The following SLX4 variants were observed in gnomAD, a reference collection of about 807,000 sequenced individuals.
SLX4 encodes the protein structure-specific endonuclease subunit SLX4.
In SLX4, 112 loss-of-function variants were observed where a neutral mutation model predicts 146.2. That is an observed-to-expected ratio of 0.77 (90% CI 0.66 to 0.90). The LOEUF (loss-of-function observed/expected upper bound fraction) is 0.90. Among genes scored for constraint, SLX4 ranks in the 40% least tolerant of loss-of-function variants. The pLI is 0.00. For missense variants in SLX4, 2,563 were observed against 2,392.7 expected (o/e 1.07, Z -1.49); for synonymous variants, 1,061 against 997.7 (o/e 1.06, Z -1.20).
chr16:3,588,866 G>A (rs2040538328), intron 12 of SLX4, 136 bp downstream of exon 12: 1 of 1,073,634 alleles, frequency 9.3e-7, no homozygotes, highest in Non-Finnish European at 1.4e-6. Context: ...GAGTCTGGAA[G>A]GCAGCGGAAG....
Position 3,583,293 on chromosome 16 carries a change from C to T in SLX4, c.4957G>A (p.Ala1653Thr), listed in dbSNP as rs2040464123. The T allele has an allele frequency of 6.2e-7, 1 of 1,614,034 alleles. No homozygotes were observed. Among genetic ancestry groups the T allele is most frequent in the Admixed American group, 1.7e-5 (1 of 60,008 alleles). The change falls in exon 14 of 15, where the codon GCC becomes ACC. Residue 1653 changes from alanine (A) to threonine (T), a missense_variant. Transcript: ENST00000294008. ...TTAGCAGGTCCCTTGGGCCTATGGG[C>T]CCCAGGTCCTGTGGTGGCCTCCTGC... is the stretch of plus-strand genomic sequence containing the variant. ...AQQEATTGPG[A>T]HRPKGPAKTK... is the part of the protein sequence containing the mutation.
At chr16:3,594,311 G>A in intron 10 of SLX4, 142 bp downstream of exon 10, 2 of 1,195,354 alleles carry the variant, frequency 1.7e-6, no homozygotes, top group Non-Finnish European at 1.2e-6. Flanking sequence ...GAGGGAGAAG[G>A]TGAGAACATG....
Position 3,590,101 on chromosome 16 carries a change from C to T in SLX4, c.3537G>A (p.Lys1179=), listed in dbSNP as rs2151123408. Residue 1179 remains lysine, a synonymous_variant, in exon 12 of 15, where the codon AAG becomes AAA. Transcript: ENST00000294008. The surrounding 1 kb of genome is among the most constrained non-coding windows in gnomAD (Gnocchi z 4.8). ...ACCTAGGGCTAATTTCTAGAGCTTT[C>T]TTTTCTTCCAGAGGATCACTAGAAA... ...KSISSDPLEE[K]KALEISPRSC... is the part of the protein sequence containing the mutation. 6.2e-7 allele frequency: 1 copy of T among 1,614,172 alleles called. No individual in the cohort carries two copies. The highest frequency in any genetic ancestry group is 8.5e-7 in the Non-Finnish European group (1 of 1,180,038).
intron 12 of SLX4, among the ~76,000 whole-genome samples, chr16:3,585,096 C>T (rs536610959): frequency 3.3e-5 from 5 of 152,228 alleles, no homozygotes; most frequent in African/African-American, 9.6e-5. Flanking sequence ...AACACGGGTG[C>T]CGGGTGAACA....
rs1933463994 is a variant in SLX4, at chr16:3,592,528, A to G, written c.2327+171T>C. Among the ~76,000 whole-genome samples, 4 of 152,196 alleles carry G rather than the reference A, an allele frequency of 2.6e-5. No homozygotes were observed. In the South Asian group the frequency reaches 8.3e-4, roughly 31 times the overall value. On this transcript the variant is annotated intron_variant, in intron 11 of 14. Coordinates refer to ENST00000294008, the MANE Select transcript of SLX4 (RefSeq NM_032444.4). ...TGTTCTGGCCTGACTTTCACCTAAC[A>G]TGCCCTGTTCCACAGGGTCATCACT... is the stretch of plus-strand genomic sequence containing the variant.
Position 3,601,051 on chromosome 16 carries a change from G to C in SLX4, c.1091C>G (p.Pro364Arg). The part of the protein sequence containing the change: ...KQCAVKMEVG[P>R]QLLLQAVRLQ... The stretch of plus-strand genomic sequence containing the variant: ...CCGCACAGCCTGAAGCAGGAGCTGG[G>C]GGCCAACCTCCATCTTCACAGCACA... The change falls in exon 5 of 15, where the codon CCC becomes CGC. Residue 364 changes from proline (P) to arginine (R), a missense_variant. Physicochemically the swap from Pro to Arg is moderately radical, Grantham distance 103. Coordinates refer to ENST00000294008, the MANE Select transcript of SLX4 (RefSeq NM_032444.4). 1 of 1,614,080 alleles carries C rather than the reference G, an allele frequency of 6.2e-7. No homozygotes were observed. Among genetic ancestry groups the C allele is most frequent in the Non-Finnish European group, 8.5e-7 (1 of 1,180,032 alleles).
At position 3,589,866 on chromosome 16, in the gene SLX4, G is replaced by A. The variant is rs755975486; in HGVS notation, c.3772C>T (p.Pro1258Ser). 3 of 1,612,310 alleles carry A rather than the reference G, an allele frequency of 1.9e-6. No individual in the cohort carries two copies. Among genetic ancestry groups the A allele is most frequent in the Non-Finnish European group, 2.5e-6 (3 of 1,179,920 alleles). The change falls in exon 12 of 15, where the codon CCC (proline) becomes TCC (serine). Residue 1258 changes from proline (P) to serine (S), a missense_variant. Physicochemically the swap from Pro to Ser is moderately conservative, Grantham distance 74 (BLOSUM62 -1). Coordinates refer to ENST00000294008, the MANE Select transcript of SLX4 (RefSeq NM_032444.4). The surrounding 1 kb of genome is among the most constrained non-coding windows in gnomAD (Gnocchi z 6.2). The stretch of plus-strand genomic sequence containing the variant: ...CTTCTGCTGGCCAGCGGGGTGGCGG[G>A]CACCAGCCACGAGGTGTCTGTGGTG... ...ASTTDTSWLV[P>S]ATPLASRSRD...
rs2040567520 is a variant in SLX4 at position 3,590,231 on chromosome 16, G to A, written c.3407C>T (p.Ser1136Phe). The stretch of plus-strand genomic sequence containing the variant: ...TTTGGATGAAGATTTCTGAGATCTG[G>A]AGCTCGAATGGTCAGGATTTGACTG... ...LTQSNPDHSS[S>F]RSQKSSSKLN... Residue 1136 changes from serine (S) to phenylalanine (F), a missense_variant, in exon 12 of 15, where the codon TCC (serine) becomes TTC (phenylalanine). Transcript: ENST00000294008. The surrounding 1 kb of genome is among the most constrained non-coding windows in gnomAD (Gnocchi z 4.8). The A allele has an allele frequency of 6.2e-7, 1 of 1,614,184 alleles. No homozygotes were observed. The highest frequency in any genetic ancestry group is 8.5e-7 in the Non-Finnish European group (1 of 1,180,032).
chr16:3,584,107 G>C (rs890998984), intron 13 of SLX4, among the ~76,000 whole-genome samples: 1 of 151,718 alleles, frequency 6.6e-6, no homozygotes, highest in African/African-American at 2.4e-5. Flanking sequence ...GTGGATGTGA[G>C]AGTTAAATGT....
In SLX4 at chr16:3,590,885, G is replaced by A. The variant is rs781323142; in HGVS notation, c.2753C>T (p.Thr918Ile). Residue 918 changes from threonine to isoleucine, a missense_variant, in exon 12 of 15, where the codon ACC (threonine) becomes ATC (isoleucine). By Grantham distance (89) the Thr-to-Ile change is moderately conservative (BLOSUM62 -1). Transcript: ENST00000294008. This position sits in a 1 kb window ranked among gnomAD's most constrained non-coding sequence, Gnocchi z 4.8. ...GCACTGTCCCATCTTCTCCCAGGTG[G>A]TGGCGGCCTCATCTCTTCCTGGCTC... is the stretch of plus-strand genomic sequence containing the variant. The part of the protein sequence containing the change: ...PLEPGRDEAA[T>I]TWEKMGQCAL... 1.7e-4 allele frequency: 267 copies of A among 1,613,956 alleles called. No individual in the cohort carries two copies. The highest frequency in any genetic ancestry group is 2.2e-4 in the Non-Finnish European group (255 of 1,180,012).
chr16:3,609,931 A>G (rs935558447), intron 1 of SLX4, among the ~76,000 whole-genome samples: 5 of 152,248 alleles, frequency 3.3e-5, no homozygotes, highest in African/African-American at 1.2e-4. Flanking sequence ...CTGGCTGTTA[A>G]AGAGGCTCTT....
rs1157390108 is a variant in SLX4 at position 3,608,817 on chromosome 16, C to A, written c.148G>T (p.Asp50Tyr). 1 of 1,614,138 alleles carries A rather than the reference C, an allele frequency of 6.2e-7. No individual in the cohort carries two copies. The highest frequency in any genetic ancestry group is 2.2e-5 in the East Asian group (1 of 44,886). The change falls in exon 2 of 15, where the codon GAC becomes TAC. Residue 50 changes from aspartate (D) to tyrosine (Y), a missense_variant. Asp to Tyr is a radical substitution (Grantham distance 160). Transcript: ENST00000294008. The stretch of plus-strand genomic sequence containing the variant: ...AAGCTAGCGCAGAGTTCTTTAAAGT[C>A]CTCATCAGACTCATCCATCATCTGA... ...TGQMMDESDE[D>Y]FKELCASFFQ... is the part of the protein sequence containing the mutation.
intron 14 of SLX4, 79 bp from the exon 15 acceptor site, chr16:3,582,772 A>T: frequency 1.5e-6 from 2 of 1,350,498 alleles, no homozygotes; most frequent in Non-Finnish European, 2.1e-6. Flanking sequence ...TAAAGGAAGG[A>T]AGGTGTCTAC....
In SLX4 at chr16:3,602,220, G is replaced by A; in HGVS notation, c.848C>T (p.Ala283Val). Reference protein sequence around the residue: ...QQEFARVGASAHDDSLEEKGL... With the variant: ...QQEFARVGASVHDDSLEEKGL... The stretch of plus-strand genomic sequence containing the variant: ...CTTTTCCTCCAGGCTATCATCATGT[G>A]CCGATGCTCCTACCCGTGCAAACTC... Residue 283 changes from alanine (A) to valine (V), a missense_variant, in exon 4 of 15, where the codon GCA becomes GTA. Physicochemically the swap from Ala to Val is moderately conservative, Grantham distance 64. Coordinates refer to ENST00000294008, the MANE Select transcript of SLX4 (RefSeq NM_032444.4). The A allele has an allele frequency of 6.2e-7, 1 of 1,614,180 alleles. No individual in the cohort carries two copies. Among genetic ancestry groups the A allele is most frequent in the East Asian group, 2.2e-5 (1 of 44,884 alleles).
In SLX4 at chr16:3,590,670, T is replaced by C; in HGVS notation, c.2968A>G (p.Thr990Ala). The change falls in exon 12 of 15, where the codon ACT becomes GCT. Residue 990 changes from threonine (T) to alanine (A), a missense_variant. By Grantham distance (58) the Thr-to-Ala change is moderately conservative (BLOSUM62 0). Coordinates refer to ENST00000294008, the MANE Select transcript of SLX4 (RefSeq NM_032444.4). The surrounding 1 kb of genome is among the most constrained non-coding windows in gnomAD (Gnocchi z 4.8). Reference sequence around the variant, plus strand: ...GACGGCTCTGAGATCTCTCCCTGAGTTGATGAGAAGAGCTGTTCGTAATCC... The same window carrying C: ...GACGGCTCTGAGATCTCTCCCTGAGCTGATGAGAAGAGCTGTTCGTAATCC... ...AGDYEQLFSS[T>A]QGEISEPSQI... is the part of the protein sequence containing the mutation. 1 of 1,614,148 alleles carries C rather than the reference T, an allele frequency of 6.2e-7. No individual in the cohort carries two copies. The highest frequency in any genetic ancestry group is 8.5e-7 in the Non-Finnish European group (1 of 1,180,030).
At position 3,590,805 on chromosome 16, in the gene SLX4, C is replaced by T. The variant is rs370212293; in HGVS notation, c.2833G>A (p.Glu945Lys). Residue 945 changes from glutamate to lysine, a missense_variant, in exon 12 of 15, where the codon GAG becomes AAG. Transcript: ENST00000294008. The surrounding 1 kb of genome is among the most constrained non-coding windows in gnomAD (Gnocchi z 4.8). ...AGCGCCTCCTCTGGCGCCTCCTGCT[C>T]AGGGGCCTCTGCTCCCCGTGCCCCT... Reference protein sequence around the residue: ...HSGARGAEAPEQEAPEEALGH... With the variant: ...HSGARGAEAPKQEAPEEALGH... 78 of 1,613,946 alleles carry T rather than the reference C, an allele frequency of 4.8e-5. No individual in the cohort carries two copies. The highest frequency in any genetic ancestry group is 6.3e-5 in the Non-Finnish European group (74 of 1,180,014).
rs745380963 is a variant in SLX4, at chr16:3,590,810, G to T, written c.2828C>A (p.Ala943Asp). Residue 943 changes from alanine (A) to aspartate (D), a missense_variant, in exon 12 of 15, where the codon GCC (alanine) becomes GAC (aspartate). Transcript: ENST00000294008. The surrounding 1 kb of genome is among the most constrained non-coding windows in gnomAD (Gnocchi z 4.8). ...CTCCTCTGGCGCCTCCTGCTCAGGG[G>T]CCTCTGCTCCCCGTGCCCCTGAGTG... is the stretch of plus-strand genomic sequence containing the variant. ...GQHSGARGAE[A>D]PEQEAPEEAL... 23 of 1,613,930 alleles carry T rather than the reference G, an allele frequency of 1.4e-5. No homozygotes were observed. Among genetic ancestry groups the T allele is most frequent in the Non-Finnish European group, 1.9e-5 (23 of 1,180,006 alleles).
chr16:3,585,719 G>A (rs1477777294), intron 12 of SLX4, among the ~76,000 whole-genome samples: 1 of 149,298 alleles, frequency 6.7e-6, no homozygotes, highest in African/African-American at 2.5e-5. Flanking sequence ...AAACCACAGT[G>A]AGATACCACT....
At chr16:3,606,806 G>C in intron 2 of SLX4, 108 bp from the exon 3 acceptor site, 1 of 1,196,606 alleles carries the variant, frequency 8.4e-7, no homozygotes, top group Non-Finnish European at 1.2e-6. Flanking sequence ...TTATCAACTA[G>C]TTTAGGTTTG....
Sources: gnomAD v4.1 joint callset for allele counts (sites outside exome capture counted in the v4.1 genomes callset) on GRCh38, gnomAD v4.1.1 for gene constraint, Gnocchi (gnomAD v3.1) non-coding constraint, MANE v1.5 for transcripts, NCBI Gene and HGNC (gene_info 2026-07-23, HGNC 2026-07-21) for gene names.